RALGAPA2: variants seen among roughly 807,000 people sequenced by gnomAD.
The protein encoded by RALGAPA2 is Ral GTPase activating protein catalytic subunit alpha 2, also known as ral GTPase-activating protein subunit alpha-2.
RALGAPA2 carries 139 observed loss-of-function variants against 230.4 expected under a neutral mutation model. The ratio of observed to expected loss-of-function variants is 0.60; its 90% confidence interval spans 0.53 to 0.69. The LOEUF is 0.69. Among genes scored for constraint, RALGAPA2 ranks in the 30% least tolerant of loss-of-function variants. RALGAPA2 has a pLI of 0.00. For missense variants in RALGAPA2, 2,163 were observed against 2,276.0 expected, an observed-to-expected ratio of 0.95 and a Z score of 1.01; for synonymous variants, 847 against 837.8, an observed-to-expected ratio of 1.01 and a Z score of -0.19.
intron 7 of RALGAPA2, among the ~76,000 whole-genome samples, chr20:20,638,304 C>A (rs955875961): frequency 2.0e-5 from 3 of 152,186 alleles, no homozygotes; most frequent in African/African-American, 7.2e-5. Context: ...AGCAGGGCTT[C>A]CCAACTTCCT....
chr20:20,567,399 C>T (rs557082414), intron 23 of RALGAPA2, among the ~76,000 whole-genome samples: 1 of 152,140 alleles, frequency 6.6e-6, no homozygotes, highest in Non-Finnish European at 1.5e-5. Context: ...AGAAGAGAAA[C>T]TGAAGGATGA....
In RALGAPA2 at chr20:20,633,639, C is replaced by T. The variant is rs573775913; in HGVS notation, c.1005+1779G>A. Among the ~76,000 whole-genome samples, 3 of 152,264 alleles carry T rather than the reference C, an allele frequency of 2.0e-5. No individual in the cohort carries two copies. In the South Asian group the frequency reaches 6.2e-4, roughly 32 times the overall value. ...AATAGCTGGGACTACAGGTACCCGC[C>T]ACCACGCCCGGCTAATTTTTACTAG... On this transcript the variant is annotated intron_variant, in intron 9 of 39. Coordinates refer to ENST00000202677, the MANE Select transcript of RALGAPA2 (RefSeq NM_020343.4).
chr20:20,484,014 T>C (rs952144174), intron 36 of RALGAPA2, among the ~76,000 whole-genome samples: 1 of 152,164 alleles, frequency 6.6e-6, no homozygotes. Context: ...AAATGCTTCC[T>C]TCACCTCTGA....
intron 20 of RALGAPA2, among the ~76,000 whole-genome samples, chr20:20,580,688 G>T (rs1481665195): frequency 6.6e-6 from 1 of 152,112 alleles, no homozygotes; most frequent in African/African-American, 2.4e-5. Context: ...ATGTCTGTAT[G>T]TCTTACCACA....
chr20:20,484,602 T>C (rs2061860824), intron 36 of RALGAPA2, among the ~76,000 whole-genome samples: 1 of 152,212 alleles, frequency 6.6e-6, no homozygotes, highest in Non-Finnish European at 1.5e-5. Context: ...TTAAAGATGG[T>C]TCATCACTTA....
chr20:20,411,064 T>C (rs2060050156), intron 38 of RALGAPA2, among the ~76,000 whole-genome samples: 1 of 152,186 alleles, frequency 6.6e-6, no homozygotes, highest in Non-Finnish European at 1.5e-5. Context: ...TTTCACTTTG[T>C]GTATAAGATA....
At chr20:20,634,561 C>T (rs576663422) in intron 9 of RALGAPA2, among the ~76,000 whole-genome samples, 3 of 152,280 alleles carry the variant, frequency 2.0e-5, no homozygotes, top group South Asian at 4.1e-4. Flanking sequence ...TTCCTAATAA[C>T]CTTGAAGCAC....
intron 18 of RALGAPA2, 118 bp from the exon 19 acceptor site, chr20:20,585,073 A>G (rs2065095029): frequency 1.8e-6 from 1 of 556,102 alleles, no homozygotes; most frequent in African/African-American, 1.9e-5. Context: ...AGCTAAATAA[A>G]TTGATGTTTT....
chr20:20,654,194 CT>C (rs968940684), intron 3 of RALGAPA2, among the ~76,000 whole-genome samples: 1 of 152,004 alleles, frequency 6.6e-6, no homozygotes, highest in East Asian at 1.9e-4. Context: ...CATGTAGTAT[CT>C]TTTTTTTCTT....
chr20:20,415,859 G>A (rs1024628260), intron 37 of RALGAPA2, among the ~76,000 whole-genome samples: 1 of 152,224 alleles, frequency 6.6e-6, no homozygotes, highest in African/African-American at 2.4e-5. Flanking sequence ...AATCTGCAGA[G>A]CTGTAAGAAT....
At chr20:20,482,910 T>C (rs2061814658) in intron 36 of RALGAPA2, among the ~76,000 whole-genome samples, 1 of 152,190 alleles carries the variant, frequency 6.6e-6, no homozygotes. Context: ...AATTACCAGC[T>C]TGCTCTCAAG....
At chr20:20,418,454 G>A (rs748544858) in intron 37 of RALGAPA2, among the ~76,000 whole-genome samples, 15 of 152,174 alleles carry the variant, frequency 9.9e-5, no homozygotes, top group Admixed American at 2.0e-4. Context: ...AAGAACAGAC[G>A]TGCGTGCTTG....
chr20:20,549,798 T>C (rs1467794950), intron 23 of RALGAPA2, among the ~76,000 whole-genome samples: 1 of 152,146 alleles, frequency 6.6e-6, no homozygotes, highest in Non-Finnish European at 1.5e-5. Flanking sequence ...GACACAGCTA[T>C]AACAGAAGTC....
chr20:20,591,985 T>C (rs758544166), intron 16 of RALGAPA2, among the ~76,000 whole-genome samples: 154 of 152,026 alleles, frequency 1.0e-3, no homozygotes, highest in Non-Finnish European at 2.0e-3. Context: ...ATAGAATGAG[T>C]TCCCCCCAGC....
At chr20:20,577,604 G>A (rs954074933) in intron 20 of RALGAPA2, among the ~76,000 whole-genome samples, 5 of 152,068 alleles carry the variant, frequency 3.3e-5, no homozygotes, top group East Asian at 1.9e-4. Flanking sequence ...ATAAAACCTC[G>A]GAAGAAAGAC....
rs115447129 is a variant in RALGAPA2, at chr20:20,593,875, C to T, written c.2204-2561G>A. ...CCCCACTGGTCCTCAACACAGCAGA[C>T]GGACGGAGAGCCTGCCACCACCAGC... On this transcript the variant is annotated intron_variant, in intron 16 of 39. Coordinates refer to ENST00000202677, the MANE Select transcript of RALGAPA2 (RefSeq NM_020343.4). Among the ~76,000 whole-genome samples, 540 of 152,348 alleles carry T rather than the reference C, an allele frequency of 3.5e-3. 4 individuals carry two copies. Among genetic ancestry groups the T allele is most frequent in the African/African-American group, 0.013 (525 of 41,572 alleles).
chr20:20,576,258 T>A (rs1255178276), intron 20 of RALGAPA2, among the ~76,000 whole-genome samples: 3 of 152,160 alleles, frequency 2.0e-5, no homozygotes, highest in African/African-American at 7.2e-5. Flanking sequence ...TATTATAAAG[T>A]CTACACTTCA....
chr20:20,446,998 G>A (rs1391652883), intron 37 of RALGAPA2, among the ~76,000 whole-genome samples: 1 of 152,186 alleles, frequency 6.6e-6, no homozygotes, highest in African/African-American at 2.4e-5. Flanking sequence ...CAGCTGATTG[G>A]CAGGGATAGC....
At chr20:20,458,465 A>T (rs942999668) in intron 37 of RALGAPA2, among the ~76,000 whole-genome samples, 16 of 135,758 alleles carry the variant, frequency 1.2e-4, no homozygotes, top group African/African-American at 4.0e-4. Flanking sequence ...TATGTATTTT[A>T]TATAATATAT....
Sources: gnomAD v4.1 joint callset for allele counts (sites outside exome capture counted in the v4.1 genomes callset) on GRCh38, gnomAD v4.1.1 for gene constraint, MANE v1.5 for transcripts, NCBI Gene and HGNC (gene_info 2026-07-23, HGNC 2026-07-21) for gene names.